Variants in ARHGEF33 observed in about 807,000 individuals in gnomAD.
ARHGEF33 encodes Rho guanine nucleotide exchange factor 33.
A neutral mutation model predicts 101.9 loss-of-function variants in ARHGEF33; 72 were observed. That is an observed-to-expected ratio of 0.71 (90% CI 0.58 to 0.86). The LOEUF (loss-of-function observed/expected upper bound fraction) is 0.86. ARHGEF33 is among the 40% of genes least tolerant of loss of function. The pLI is 0.00. For synonymous variants in ARHGEF33, 499 were observed against 442.5 expected, an observed-to-expected ratio of 1.13 and a Z score of -1.60; for missense variants, 1,169 against 1,111.3, an observed-to-expected ratio of 1.05 and a Z score of -0.74.
At chr2:38,965,190 G>T (rs1367183102) in intron 16 of ARHGEF33, among the ~76,000 whole-genome samples, 1 of 152,158 alleles carries the variant, frequency 6.6e-6, no homozygotes, top group African/African-American at 2.4e-5. Flanking sequence ...TCAAAATTCA[G>T]CAGCTGTTTT....
intron 16 of ARHGEF33, among the ~76,000 whole-genome samples, chr2:38,965,681 A>T (rs79229527): frequency 0.091 from 13,828 of 152,314 alleles, 789 homozygotes; most frequent in South Asian, 0.15. Flanking sequence ...TCACTCGTGG[A>T]GGACGTTCTT....
intron 7 of ARHGEF33, among the ~76,000 whole-genome samples, chr2:38,931,485 C>A (rs1273457099): frequency 6.6e-6 from 1 of 151,912 alleles, no homozygotes; most frequent in Non-Finnish European, 1.5e-5. Context: ...CTGGATACTT[C>A]TAAATTTCAA....
rs367654106 is a variant in ARHGEF33 at position 38,913,919 on chromosome 2, G to A, written c.-85-5444G>A. Among the ~76,000 whole-genome samples the A allele has an allele frequency of 8.7e-5, 13 of 150,230 alleles. No homozygotes were observed. In the East Asian group the frequency reaches 1.6e-3, roughly 18 times the overall value. The stretch of plus-strand genomic sequence containing the variant: ...TGTCACTCCTTGGTTAAAAAAAAAA[G>A]GCAGATAACCCAAAAGAAAATTAGG... On this transcript the variant is annotated intron_variant, in intron 2 of 17. Coordinates refer to ENST00000409978, the MANE Select transcript of ARHGEF33 (RefSeq NM_001145451.5).
At chr2:38,911,200 C>T (rs1300525402) in intron 2 of ARHGEF33, among the ~76,000 whole-genome samples, 1 of 152,052 alleles carries the variant, frequency 6.6e-6, no homozygotes, top group Non-Finnish European at 1.5e-5. Context: ...TTTTCTACAC[C>T]ACAAAGATCA....
intron 2 of ARHGEF33, among the ~76,000 whole-genome samples, chr2:38,917,899 G>A (rs1666671136): frequency 6.6e-6 from 1 of 151,550 alleles, no homozygotes; most frequent in Non-Finnish European, 1.5e-5. Flanking sequence ...CTAGGTAACT[G>A]TTGATCTGCA....
Position 38,929,793 on chromosome 2 carries a change from CAGG to C in ARHGEF33, c.328_330del (p.Glu110del). On this transcript the variant is annotated inframe_deletion, in exon 6 of 18. Coordinates refer to ENST00000409978, the MANE Select transcript of ARHGEF33 (RefSeq NM_001145451.5). ...GCAACAGAAAATCGAGCAGCTTCAA[CAGG>C]AGAAGCGAAGAGAATCTCGAAAAGT... 12 of 1,551,578 alleles carry C rather than the reference CAGG, an allele frequency of 7.7e-6. No individual in the cohort carries two copies. The highest frequency in any genetic ancestry group is 9.6e-6 in the Non-Finnish European group (11 of 1,146,788).
In ARHGEF33 at chr2:38,937,513, T is replaced by G. The variant is rs1572759431; in HGVS notation, c.744T>G (p.Gly248=). 1 of 1,549,486 alleles carries G rather than the reference T, an allele frequency of 6.5e-7. No homozygotes were observed. Among genetic ancestry groups the G allele is most frequent in the African/African-American group, 1.4e-5 (1 of 72,748 alleles). ...HPDKLKEAGQ[G]RHSSLENVLC... The stretch of plus-strand genomic sequence containing the variant: ...ATAAACTCAAGGAGGCTGGCCAGGG[T>G]AGACACAGCTCCTTGGAAAACGTTT... The change falls in exon 9 of 18, where the codon GGT becomes GGG. Residue 248 remains glycine, a synonymous_variant. Coordinates refer to ENST00000409978, the MANE Select transcript of ARHGEF33 (RefSeq NM_001145451.5).
intron 8 of ARHGEF33, 24 bp from the exon 9 acceptor site, chr2:38,937,311 C>CTTGGGGGGGGGGGGGGG: frequency 1.7e-6 from 1 of 583,932 alleles, no homozygotes; most frequent in Non-Finnish European, 3.0e-6. Flanking sequence ...CTTTGTTTCC[C>CTTGGGGGGGGGGGGGGG]CGCCCCTCCC....
intron 4 of ARHGEF33, among the ~76,000 whole-genome samples, chr2:38,922,463 T>G (rs1666780174): frequency 6.6e-6 from 1 of 152,194 alleles, no homozygotes; most frequent in Non-Finnish European, 1.5e-5. Flanking sequence ...AGAATTATCA[T>G]GTAAGAGACC....
chr2:38,964,575 T>G (rs1668013834), intron 16 of ARHGEF33, among the ~76,000 whole-genome samples: 1 of 150,378 alleles, frequency 6.6e-6, no homozygotes, highest in Non-Finnish European at 1.5e-5. Flanking sequence ...CCCTTGCATG[T>G]GCATTTCACA....
intron 7 of ARHGEF33, among the ~76,000 whole-genome samples, chr2:38,933,426 C>T (rs1378225569): frequency 1.3e-5 from 2 of 152,078 alleles, no homozygotes; most frequent in Non-Finnish European, 2.9e-5. Context: ...TCTTGCCGCC[C>T]AGGCTGGAGT....
At chr2:38,914,039 A>C (rs1035441819) in intron 2 of ARHGEF33, among the ~76,000 whole-genome samples, 1 of 152,210 alleles carries the variant, frequency 6.6e-6, no homozygotes, top group Non-Finnish European at 1.5e-5. Flanking sequence ...CAATCAGCAA[A>C]AGTAGCTATA....
intron 16 of ARHGEF33, among the ~76,000 whole-genome samples, chr2:38,964,783 C>A (rs1189308103): frequency 6.6e-6 from 1 of 151,998 alleles, no homozygotes; most frequent in African/African-American, 2.4e-5. Context: ...TTGGGGAACC[C>A]TCCCTTAAAT....
At chr2:38,918,248 A>C (rs566637452) in intron 2 of ARHGEF33, among the ~76,000 whole-genome samples, 1 of 152,368 alleles carries the variant, frequency 6.6e-6, no homozygotes, top group South Asian at 2.1e-4. Flanking sequence ...AATGGTCACC[A>C]CCACTACCCT....
Position 38,937,318 on chromosome 2 carries a change from T to TCCCCCCCCCC in ARHGEF33, c.566-11_566-10insCCCCCCCCCC. 2 of 255,340 alleles carry TCCCCCCCCCC rather than the reference T, an allele frequency of 7.8e-6. No homozygotes were observed. The highest frequency in any genetic ancestry group is 7.4e-6 in the Non-Finnish European group (1 of 134,550). 15.8% of individuals were successfully genotyped at this position (255,340 alleles called of 1,614,324 possible). A position where few individuals can be genotyped will look rare whatever the true frequency, so the allele number is the denominator to read the frequency against. ...GCAGTTTTCTTTGTTTCCCCGCCCC[T>TCCCCCCCCCC]CCCCCCACCCCACCAGGAGTGAACC... is the stretch of plus-strand genomic sequence containing the variant. On this transcript the variant is annotated splice_polypyrimidine_tract_variant and intron_variant, in intron 8 of 17. Coordinates refer to ENST00000409978, the MANE Select transcript of ARHGEF33 (RefSeq NM_001145451.5).
At chr2:38,932,342 A>C (rs1667026310) in intron 7 of ARHGEF33, among the ~76,000 whole-genome samples, 1 of 152,150 alleles carries the variant, frequency 6.6e-6, no homozygotes, top group Non-Finnish European at 1.5e-5. Flanking sequence ...GGCCAGGCTC[A>C]TCTTGAATTC....
chr2:38,965,363 T>TAA (rs1668030298), intron 16 of ARHGEF33, among the ~76,000 whole-genome samples: 2 of 152,244 alleles, frequency 1.3e-5, no homozygotes, highest in African/African-American at 4.8e-5. Context: ...TCACAAAAGA[T>TAA]ACAGCCTTAT....
chr2:38,949,982 C>T (rs1008128849), intron 10 of ARHGEF33, among the ~76,000 whole-genome samples: 2 of 152,160 alleles, frequency 1.3e-5, no homozygotes, highest in Non-Finnish European at 2.9e-5. Flanking sequence ...TGGTGCTAAA[C>T]CATTCACGAG....
At chr2:38,898,462 C>T (rs1282450734) in intron 2 of ARHGEF33, among the ~76,000 whole-genome samples, 2 of 152,198 alleles carry the variant, frequency 1.3e-5, no homozygotes, top group African/African-American at 4.8e-5. Flanking sequence ...CCAGGCACTC[C>T]AGATGGGCCA....
Sources: gnomAD v4.1 joint callset for allele counts (sites outside exome capture counted in the v4.1 genomes callset) on GRCh38, gnomAD v4.1.1 for gene constraint, MANE v1.5 for transcripts, NCBI Gene and HGNC (gene_info 2026-07-23, HGNC 2026-07-21) for gene names.